NCAPH2: variants seen among roughly 807,000 people sequenced by gnomAD.
NCAPH2 encodes non-SMC condensin II complex subunit H2.
A neutral mutation model predicts 88.6 loss-of-function variants in NCAPH2; 56 were observed. The observed-to-expected ratio is 0.63, with a 90% confidence interval of 0.51 to 0.79. The LOEUF is 0.79. Among genes scored for constraint, NCAPH2 ranks in the 30% least tolerant of loss-of-function variants. NCAPH2 has a pLI of 0.00. For synonymous variants in NCAPH2, 378 were observed against 313.6 expected (o/e 1.21, Z -2.17); for missense variants, 794 against 792.0 (o/e 1.00, Z -0.03).
Position 50,521,046 on chromosome 22 carries a change from T to C in NCAPH2, c.933+10T>C, listed in dbSNP as rs1270964286. ...TGCATCCTGCGTGAAGGTAGGAGTG[T>C]TGGGGCCCTGACCCCCGGCAGGGAG... is the stretch of plus-strand genomic sequence containing the variant. On this transcript the variant is annotated intron_variant, in intron 10 of 19. Coordinates refer to ENST00000420993, the MANE Select transcript of NCAPH2 (RefSeq NM_152299.4). 1.0e-5 allele frequency: 16 copies of C among 1,549,700 alleles called. No homozygotes were observed. Among genetic ancestry groups the C allele is most frequent in the Admixed American group, 3.9e-5 (2 of 50,964 alleles).
In NCAPH2 at chr22:50,524,715, C is replaced by G; in HGVS notation, c.*1340C>G. The G allele has an allele frequency of 3.2e-6, 2 of 618,778 alleles. No individual in the cohort carries two copies. Among genetic ancestry groups the G allele is most frequent in the Non-Finnish European group, 6.2e-6 (2 of 322,096 alleles). 38.3% of individuals were successfully genotyped at this position (618,778 alleles called of 1,614,324 possible). ...GAACCTCTTGCTGACGGAAAGCATT[C>G]CAAGTGCATGCCTTGCCTGAACTAA... On this transcript the variant is annotated 3_prime_UTR_variant, in exon 20 of 20. Coordinates refer to ENST00000420993, the MANE Select transcript of NCAPH2 (RefSeq NM_152299.4).
intron 9 of NCAPH2, chr22:50,519,662 T>C (rs2069030032): frequency 1.8e-6 from 2 of 1,138,330 alleles, no homozygotes; most frequent in Admixed American, 4.4e-5. Flanking sequence ...CTGGAGGCCA[T>C]TGCTGCCTCC....
In NCAPH2 at chr22:50,518,159, G is replaced by A. The variant is rs1458426974; in HGVS notation, c.527G>A (p.Arg176Gln). ...YSRQGEVLAS[R>Q]KDFRMNTCVP... ...CGTCAGGGTGAGGTCCTGGCCAGCC[G>A]GAAGGATTTCAGGATGAACACGTGC... is the stretch of plus-strand genomic sequence containing the variant. Residue 176 changes from arginine to glutamine, a missense_variant, in exon 7 of 20, where the codon CGG (arginine) becomes CAG (glutamine). Around this residue, in one of 2 missense-constraint regions of NCAPH2, gnomAD observed 735 missense variants for 696.3 expected, o/e 1.06. Transcript: ENST00000420993. 1.8e-5 allele frequency: 29 copies of A among 1,613,992 alleles called. No homozygotes were observed. The highest frequency in any genetic ancestry group is 2.2e-5 in the East Asian group (1 of 44,900).
rs940812751 is a variant in NCAPH2, at chr22:50,517,349, G to A, written c.211-78G>A. On this transcript the variant is annotated intron_variant, in intron 2 of 19. Coordinates refer to ENST00000420993, the MANE Select transcript of NCAPH2 (RefSeq NM_152299.4). ...GTGGTGGTGGCCAGGCCTCGTGGGGGCACCGATGGATAGCTGGGAAGGCCT... is the reference window on the plus strand; with the variant it reads ...GTGGTGGTGGCCAGGCCTCGTGGGGACACCGATGGATAGCTGGGAAGGCCT... 2.7e-6 allele frequency: 4 copies of A among 1,476,646 alleles called. No individual in the cohort carries two copies. In the South Asian group the frequency reaches 4.5e-5, roughly 17 times the overall value. The allele number at this position is 1,476,646 out of a possible 1,614,324, so 91.5% of individuals were successfully genotyped here.
At chr22:50,509,257 C>G (rs1284869558) in intron 1 of NCAPH2, among the ~76,000 whole-genome samples, 1 of 152,216 alleles carries the variant, frequency 6.6e-6, no homozygotes, top group Non-Finnish European at 1.5e-5. Flanking sequence ...ATTAGGACAA[C>G]TACCAGATCT....
In NCAPH2 at chr22:50,523,551, TCA is replaced by T. The variant is rs201538137; in HGVS notation, c.*189_*190del. 9.7e-4 allele frequency: 1,521 copies of T among 1,562,708 alleles called. No homozygotes were observed. Among genetic ancestry groups the T allele is most frequent in the Non-Finnish European group, 1.1e-3 (1,281 of 1,143,380 alleles). On this transcript the variant is annotated 3_prime_UTR_variant, in exon 20 of 20. Coordinates refer to ENST00000420993, the MANE Select transcript of NCAPH2 (RefSeq NM_152299.4). ...GGCCTCCCTGGGCCGCTGGTACAGA[TCA>T]CACACACACACAGATTAAACGCAGC...
chr22:50,508,620 CA>C (rs762700792), intron 1 of NCAPH2, among the ~76,000 whole-genome samples, 175 bp downstream of exon 1: 12 of 152,260 alleles, frequency 7.9e-5, no homozygotes, highest in Admixed American at 5.9e-4. Flanking sequence ...TCTGCCTCCC[CA>C]AATCATCCCT....
Position 50,524,106 on chromosome 22 carries a change from G to A in NCAPH2, c.*731G>A, listed in dbSNP as rs376934366. ...CTCTGTGATCCAGCAGGTGGAAGTC[G>A]CCCTGGCCCACAGCTGCCTGGCGCA... On this transcript the variant is annotated 3_prime_UTR_variant, in exon 20 of 20. Transcript: ENST00000420993. The A allele has an allele frequency of 5.9e-5, 95 of 1,612,758 alleles. No individual in the cohort carries two copies. Among genetic ancestry groups the A allele is most frequent in the African/African-American group, 3.7e-4 (28 of 74,914 alleles).
Position 50,524,288 on chromosome 22 carries a change from C to G in NCAPH2, c.*913C>G. On this transcript the variant is annotated 3_prime_UTR_variant, in exon 20 of 20. Transcript: ENST00000420993. ...CCCTGCCCACCTGTCTCTGCAGGGC[C>G]CTGCCTTGACAAAAGCCAGGACCTC... 1 of 1,603,352 alleles carries G rather than the reference C, an allele frequency of 6.2e-7. No homozygotes were observed. Among genetic ancestry groups the G allele is most frequent in the Non-Finnish European group, 8.5e-7 (1 of 1,179,862 alleles).
At chr22:50,512,704 C>G (rs947963691) in intron 1 of NCAPH2, among the ~76,000 whole-genome samples, 15 of 151,964 alleles carry the variant, frequency 9.9e-5, no homozygotes, top group Non-Finnish European at 1.9e-4. Flanking sequence ...GCCACCGCAC[C>G]TGGCTAATTT....
intron 7 of NCAPH2, 138 bp downstream of exon 7, chr22:50,518,416 T>C: frequency 7.6e-7 from 1 of 1,311,308 alleles, no homozygotes; most frequent in Non-Finnish European, 1.0e-6. Context: ...TCTAGACAGG[T>C]TGGCTGGTGC....
At chr22:50,519,626 G>C (rs1488951540) in intron 9 of NCAPH2, 7 of 1,208,466 alleles carry the variant, frequency 5.8e-6, no homozygotes, top group African/African-American at 4.7e-5. Flanking sequence ...GCGCCTCTCT[G>C]CAGTCGGGCT....
In NCAPH2 at chr22:50,517,626, G is replaced by A. The variant is rs766538568; in HGVS notation, c.316G>A (p.Ala106Thr). 7 of 1,614,142 alleles carry A rather than the reference G, an allele frequency of 4.3e-6. No individual in the cohort carries two copies. The highest frequency in any genetic ancestry group is 1.1e-5 in the South Asian group (1 of 91,084). Residue 106 changes from alanine to threonine, a missense_variant, in exon 4 of 20, where the codon GCC becomes ACC. Transcript: ENST00000420993. ...GCAGGAGGACAGGGCCAATGGGGTT[G>A]CCAGCTCCGGGGTCCCCCAGGAGGC... is the stretch of plus-strand genomic sequence containing the variant. Reference protein sequence around the residue: ...SVQEDRANGVASSGVPQEAEN... With the variant: ...SVQEDRANGVTSSGVPQEAEN...
At chr22:50,513,209 G>A (rs1312930620) in intron 1 of NCAPH2, among the ~76,000 whole-genome samples, 1 of 152,244 alleles carries the variant, frequency 6.6e-6, no homozygotes, top group African/African-American at 2.4e-5. Flanking sequence ...CCACCCCTGC[G>A]TGTGACTTTG....
chr22:50,516,395 C>G (rs2032424), intron 1 of NCAPH2, 52 bp from the exon 2 acceptor site: 2 of 1,562,548 alleles, frequency 1.3e-6, no homozygotes, highest in Admixed American at 3.4e-5. Flanking sequence ...CTGGAAGAAG[C>G]GAGTGCAGAC....
chr22:50,516,530 C>G lies in NCAPH2; in HGVS notation c.192C>G (p.Ala64=). The G allele has an allele frequency of 6.2e-7, 1 of 1,614,204 alleles. No homozygotes were observed. The highest frequency in any genetic ancestry group is 8.5e-7 in the Non-Finnish European group (1 of 1,180,036). Residue 64 remains alanine, a synonymous_variant, in exon 2 of 20, where the codon GCC becomes GCG. Transcript: ENST00000420993. ...IEAALLIQGS[A]CVYSKKVEYL... Reference sequence around the variant, plus strand: ...CAGCGTTGTTGATCCAGGGCTCTGCCTGCGTCTACAGTAAGAAGGTGGGCC... The same window carrying G: ...CAGCGTTGTTGATCCAGGGCTCTGCGTGCGTCTACAGTAAGAAGGTGGGCC...
chr22:50,518,499 CAG>C (rs1203165092), intron 7 of NCAPH2, 148 bp from the exon 8 acceptor site: 1 of 1,024,302 alleles, frequency 9.8e-7, no homozygotes, highest in Non-Finnish European at 1.4e-6. Context: ...GTGCCTGGCT[CAG>C]GGCCCTGCTG....
chr22:50,524,726 C>G lies in NCAPH2; in HGVS notation c.*1351C>G. ...TGACGGAAAGCATTCCAAGTGCATG[C>G]CTTGCCTGAACTAACCACGTTATCT... On this transcript the variant is annotated 3_prime_UTR_variant, in exon 20 of 20. Transcript: ENST00000420993. 1 of 595,164 alleles carries G rather than the reference C, an allele frequency of 1.7e-6. No individual in the cohort carries two copies. Among genetic ancestry groups the G allele is most frequent in the Non-Finnish European group, 3.3e-6 (1 of 307,634 alleles). 36.9% of individuals were successfully genotyped at this position (595,164 alleles called of 1,614,324 possible).
intron 7 of NCAPH2, 150 bp downstream of exon 7, chr22:50,518,428 C>T: frequency 1.7e-6 from 2 of 1,204,514 alleles, no homozygotes; most frequent in Non-Finnish European, 2.3e-6. Context: ...GGCTGGTGCT[C>T]ATCCCACCCA....
Sources: gnomAD v4.1 joint callset for allele counts (sites outside exome capture counted in the v4.1 genomes callset) on GRCh38, gnomAD v4.1.1 for gene constraint, gnomAD v4.1.1 regional missense constraint, MANE v1.5 for transcripts, NCBI Gene and HGNC (gene_info 2026-07-23, HGNC 2026-07-21) for gene names.